The following TEAD1 variants were observed in gnomAD, a reference collection of about 807,000 sequenced individuals.
TEAD1 encodes the protein transcriptional enhancer factor TEF-1.
Under a neutral mutation model 54.9 loss-of-function variants are expected in TEAD1, and 9 were observed. The ratio of observed to expected loss-of-function variants is 0.16; its 90% CI spans 0.10 to 0.29. TEAD1 has a LOEUF of 0.29. TEAD1 is among the 10% of genes least tolerant of loss of function. The pLI, the probability that TEAD1 is intolerant of heterozygous loss-of-function variation, is 1.00. For synonymous variants in TEAD1, 200 were observed against 187.8 expected, an observed-to-expected ratio of 1.07 and a Z score of -0.53; for missense variants, 387 against 535.9, an observed-to-expected ratio of 0.72 and a Z score of 2.74.
In TEAD1 at chr11:12,937,435, C is replaced by G. The variant is rs1949120287; in HGVS notation, c.*213C>G. 2.2e-6 allele frequency: 1 copy of G among 447,912 alleles called. No homozygotes were observed. Among genetic ancestry groups the G allele is most frequent in the Non-Finnish European group, 4.1e-6 (1 of 245,156 alleles). The allele number at this position is 447,912 out of a possible 1,614,324, so 27.7% of individuals were successfully genotyped here. ...TCATTGTAGCTGTGAAGTTCTGGTA[C>G]AGTTGTAAAAAGAGAAATTGAGTTG... On this transcript the variant is annotated 3_prime_UTR_variant, in exon 13 of 13. Coordinates refer to ENST00000527636, the MANE Select transcript of TEAD1 (RefSeq NM_021961.6).
At chr11:12,679,614 T>C (rs944534453) in intron 2 of TEAD1, among the ~76,000 whole-genome samples, 6 of 152,194 alleles carry the variant, frequency 3.9e-5, no homozygotes, top group Non-Finnish European at 8.8e-5. Flanking sequence ...TTCTCTGGCA[T>C]GAACTTTTTT....
intron 2 of TEAD1, among the ~76,000 whole-genome samples, chr11:12,694,015 T>C (rs1242624776): frequency 2.0e-5 from 3 of 152,224 alleles, no homozygotes; most frequent in African/African-American, 7.2e-5. Context: ...TGAAACTGTT[T>C]ATAATTTGTG....
intron 10 of TEAD1, among the ~76,000 whole-genome samples, chr11:12,908,374 G>T (rs568909979): frequency 6.6e-6 from 1 of 152,254 alleles, no homozygotes; most frequent in African/African-American, 2.4e-5. Flanking sequence ...CCTGCCCATG[G>T]AAAGCCCAGG....
chr11:12,864,363 C>T (rs1323991708), intron 4 of TEAD1, among the ~76,000 whole-genome samples: 1 of 152,106 alleles, frequency 6.6e-6, no homozygotes, highest in Non-Finnish European at 1.5e-5. Flanking sequence ...CCCTCTCATC[C>T]CTCCCAAAAT....
At chr11:12,844,749 C>T (rs1452766573) in intron 3 of TEAD1, among the ~76,000 whole-genome samples, 2 of 151,970 alleles carry the variant, frequency 1.3e-5, no homozygotes, top group Non-Finnish European at 2.9e-5. Context: ...AAAAGCCAGC[C>T]GGCTGGCCCT....
At chr11:12,714,065 T>C (rs1237916093) in intron 2 of TEAD1, among the ~76,000 whole-genome samples, 5 of 152,116 alleles carry the variant, frequency 3.3e-5, no homozygotes, top group Non-Finnish European at 2.9e-5. Context: ...AACGTGTAGA[T>C]TGAATCAGGA....
At chr11:12,828,783 T>C (rs989668238) in intron 3 of TEAD1, among the ~76,000 whole-genome samples, 5 of 140,068 alleles carry the variant, frequency 3.6e-5, no homozygotes, top group African/African-American at 5.1e-5. Context: ...TTGTTTCTTA[T>C]TGATTTGCAT....
At chr11:12,844,777 C>T (rs1018939414) in intron 3 of TEAD1, among the ~76,000 whole-genome samples, 9 of 151,906 alleles carry the variant, frequency 5.9e-5, no homozygotes, top group Non-Finnish European at 1.2e-4. Context: ...CAGGGCTTAC[C>T]CAACGATTGA....
chr11:12,694,064 C>T (rs1421392437), intron 2 of TEAD1, among the ~76,000 whole-genome samples: 2 of 152,220 alleles, frequency 1.3e-5, no homozygotes, highest in East Asian at 3.8e-4. Flanking sequence ...GCACACCCTG[C>T]TCTGCTGTGC....
chr11:12,911,787 A>G (rs1336137048), intron 10 of TEAD1, among the ~76,000 whole-genome samples: 4 of 152,046 alleles, frequency 2.6e-5, no homozygotes, highest in African/African-American at 9.7e-5. Context: ...TTTTCGTAAG[A>G]AAAATATCTG....
At chr11:12,877,093 C>T (rs1233190897) in intron 5 of TEAD1, among the ~76,000 whole-genome samples, 4 of 152,158 alleles carry the variant, frequency 2.6e-5, no homozygotes, top group Non-Finnish European at 4.4e-5. Context: ...TAGGTTAGAA[C>T]ATTTGACAGA....
At chr11:12,774,664 G>T (rs1050577952) in intron 3 of TEAD1, among the ~76,000 whole-genome samples, 41 of 152,156 alleles carry the variant, frequency 2.7e-4, no homozygotes, top group African/African-American at 9.7e-4. Flanking sequence ...GAATGGGGCT[G>T]GTAAGTCAGC....
At chr11:12,888,748 T>A (rs118022920) in intron 9 of TEAD1, among the ~76,000 whole-genome samples, 203 of 152,316 alleles carry the variant, frequency 1.3e-3, no homozygotes, top group Non-Finnish European at 2.3e-3. Flanking sequence ...TGCATTATCT[T>A]ATGTAATCCT....
rs932796155 is a variant in TEAD1, at chr11:12,751,528, G to A, written c.-54-12651G>A. On this transcript the variant is annotated intron_variant, in intron 2 of 12. Coordinates refer to ENST00000527636, the MANE Select transcript of TEAD1 (RefSeq NM_021961.6). ...GCAGGTATGTGTACTTATTTGTCTC[G>A]CTGCTGGAGAGGGTGCTTGTTGAGG... Among the ~76,000 whole-genome samples the A allele has an allele frequency of 6.6e-5, 10 of 152,230 alleles. No homozygotes were observed. In the East Asian group the frequency reaches 1.5e-3, roughly 24 times the overall value.
chr11:12,836,159 G>A (rs755938231), intron 3 of TEAD1, among the ~76,000 whole-genome samples: 2 of 152,244 alleles, frequency 1.3e-5, no homozygotes, highest in African/African-American at 4.8e-5. Flanking sequence ...GGTGGCTCAC[G>A]CCTGTAATCC....
chr11:12,803,536 GC>G (rs1241032402), intron 3 of TEAD1, among the ~76,000 whole-genome samples: 2 of 152,222 alleles, frequency 1.3e-5, no homozygotes, highest in Non-Finnish European at 2.9e-5. Flanking sequence ...TGGACTGAGT[GC>G]AGTCTGTGTG....
At chr11:12,838,885 T>A (rs1430734824) in intron 3 of TEAD1, among the ~76,000 whole-genome samples, 1 of 152,202 alleles carries the variant, frequency 6.6e-6, no homozygotes, top group African/African-American at 2.4e-5. Context: ...ATTTTGCAAT[T>A]AGGAAGCTTG....
chr11:12,740,472 C>G (rs1944628364), intron 2 of TEAD1, among the ~76,000 whole-genome samples: 1 of 152,132 alleles, frequency 6.6e-6, no homozygotes, highest in African/African-American at 2.4e-5. Context: ...GTGTATTAGT[C>G]TGTTTTCATA....
At chr11:12,752,172 C>G (rs1944884493) in intron 2 of TEAD1, among the ~76,000 whole-genome samples, 1 of 146,888 alleles carries the variant, frequency 6.8e-6, no homozygotes, top group Non-Finnish European at 1.5e-5. Context: ...AATAATCTTT[C>G]TCTAAGGTAA....
Sources: gnomAD v4.1 joint callset for allele counts (sites outside exome capture counted in the v4.1 genomes callset) on GRCh38, gnomAD v4.1.1 for gene constraint, MANE v1.5 for transcripts, NCBI Gene and HGNC (gene_info 2026-07-23, HGNC 2026-07-21) for gene names.